The following TENM2 variants were observed in gnomAD, a reference collection of about 807,000 sequenced individuals.
TENM2 encodes the protein teneurin transmembrane protein 2, also known as teneurin-2.
TENM2 carries 52 observed loss-of-function variants against 245.2 expected under a neutral mutation model. The observed-to-expected ratio is 0.21, with a 90% CI of 0.17 to 0.27. TENM2 has a LOEUF of 0.27. Among genes scored for constraint, TENM2 ranks in the 10% least tolerant of loss-of-function variants. TENM2 has a pLI of 1.00. For missense variants in TENM2, 3,046 were observed against 3,666.8 expected (o/e 0.83, Z 4.37); for synonymous variants, 1,363 against 1,438.9 (o/e 0.95, Z 1.19).
At chr5:167,452,950 T>TATATATATATATTTTTTTTTTTTTTAA (rs1765690202) in intron 2 of TENM2, among the ~76,000 whole-genome samples, 2 of 99,630 alleles carry the variant, frequency 2.0e-5, no homozygotes, top group African/African-American at 6.8e-5. Context: ...TATATATATA[T>TATATATATATATTTTTTTTTTTTTTAA]ATATATATAT....
the TENM2 span, among the ~76,000 whole-genome samples, chr5:167,003,620 G>C: frequency 6.6e-6 from 1 of 152,142 alleles, no homozygotes; most frequent in Admixed American, 6.5e-5. Context: ...ATCAGTATTT[G>C]TTGCTTGTTG....
chr5:167,136,701 C>T, the TENM2 span, among the ~76,000 whole-genome samples: 1 of 152,114 alleles, frequency 6.6e-6, no homozygotes, highest in African/African-American at 2.4e-5. Flanking sequence ...TAAGTGCAGC[C>T]TTAGAGAGTT....
At chr5:167,460,341 C>A (rs1054165386) in intron 2 of TENM2, among the ~76,000 whole-genome samples, 4 of 151,972 alleles carry the variant, frequency 2.6e-5, no homozygotes. Context: ...ATTTTCATAC[C>A]CCACATAGAA....
intron 9 of TENM2, among the ~76,000 whole-genome samples, chr5:168,102,805 A>G (rs1168186404): frequency 6.6e-6 from 1 of 152,214 alleles, no homozygotes; most frequent in South Asian, 2.1e-4. Flanking sequence ...TTAAGTACTC[A>G]ATATGCATCA....
At chr5:167,823,415 C>A (rs1402355196) in intron 2 of TENM2, among the ~76,000 whole-genome samples, 1 of 152,180 alleles carries the variant, frequency 6.6e-6, no homozygotes, top group Admixed American at 6.5e-5. Context: ...CAGACACACA[C>A]AATGTACAAG....
At chr5:167,735,466 C>T (rs923850296) in intron 2 of TENM2, among the ~76,000 whole-genome samples, 3 of 152,182 alleles carry the variant, frequency 2.0e-5, no homozygotes, top group African/African-American at 7.2e-5. Flanking sequence ...ACTAGAAATA[C>T]TTAGCAGATT....
chr5:167,568,327 A>G (rs932906188), intron 2 of TENM2, among the ~76,000 whole-genome samples: 1 of 152,142 alleles, frequency 6.6e-6, no homozygotes, highest in African/African-American at 2.4e-5. Context: ...AGGGTACAAA[A>G]TGTGTTTGGA....
chr5:168,018,743 G>A (rs1417892623), intron 5 of TENM2, among the ~76,000 whole-genome samples: 1 of 152,006 alleles, frequency 6.6e-6, no homozygotes, highest in Non-Finnish European at 1.5e-5. Flanking sequence ...TTGATTCTGG[G>A]GTGCCTCCTA....
chr5:167,130,717 C>T, the TENM2 span, among the ~76,000 whole-genome samples: 1 of 152,078 alleles, frequency 6.6e-6, no homozygotes, highest in Non-Finnish European at 1.5e-5. Context: ...AAATTCCCTC[C>T]AATGTCTGTT....
exon 25 of TENM2, chr5:168,228,043 T>G: frequency 6.2e-7 from 1 of 1,613,890 alleles, no homozygotes; most frequent in Non-Finnish European, 8.5e-7. Context: ...TCTCCCTGCC[T>G]ATGGAGAATG....
chr5:167,866,375 A>G (rs955513555), intron 2 of TENM2, among the ~76,000 whole-genome samples: 5 of 152,052 alleles, frequency 3.3e-5, no homozygotes, highest in Non-Finnish European at 2.9e-5. Context: ...GTGCATGCCT[A>G]TAATCCTAGC....
chr5:167,677,664 C>T (rs2609857), intron 2 of TENM2, among the ~76,000 whole-genome samples: 23,514 of 150,202 alleles, frequency 0.16, 2,366 homozygotes, highest in East Asian at 0.39. Flanking sequence ...GTGGTTTTGG[C>T]GACCATTTAG....
At chr5:167,585,789 T>C (rs1279947901) in intron 2 of TENM2, among the ~76,000 whole-genome samples, 7 of 152,156 alleles carry the variant, frequency 4.6e-5, no homozygotes, top group Non-Finnish European at 1.0e-4. Context: ...TCTACCTTTA[T>C]GGATTCAACC....
At chr5:167,181,135 C>T in the TENM2 span, among the ~76,000 whole-genome samples, 152 of 151,842 alleles carry the variant, frequency 1.0e-3, 2 homozygotes, top group East Asian at 0.025. Context: ...TATATACTTG[C>T]GCAATGATTT....
chr5:168,166,229 C>T (rs763209468), intron 13 of TENM2, among the ~76,000 whole-genome samples: 33 of 151,928 alleles, frequency 2.2e-4, no homozygotes, highest in Non-Finnish European at 4.1e-4. Flanking sequence ...AATGCAGACC[C>T]GGGGAGCAGC....
rs981825041 is a variant in TENM2 at position 167,727,111 on chromosome 5, T to C, written c.503-148875T>C. Among the ~76,000 whole-genome samples, 323 of 135,298 alleles carry C rather than the reference T, an allele frequency of 2.4e-3. 2 individuals carry two copies. Among genetic ancestry groups the C allele is most frequent in the African/African-American group, 8.3e-3 (305 of 36,806 alleles). The allele number at this position is 135,298 out of a possible 152,430, so 88.8% of individuals were successfully genotyped here. A position where few individuals can be genotyped will look rare whatever the true frequency, so the allele number is the denominator to read the frequency against. On this transcript the variant is annotated intron_variant, in intron 2 of 28. Coordinates refer to ENST00000518659, the Ensembl canonical transcript of TENM2. The stretch of plus-strand genomic sequence containing the variant: ...TAATGAATCCATTAATTTCTTTTTT[T>C]TTTTTTTTTTTTTTTTGAGATGGAG...
intron 20 of TENM2, chr5:168,214,789 G>A (rs1169353518): frequency 1.7e-6 from 1 of 583,062 alleles, no homozygotes; most frequent in East Asian, 3.8e-5. Context: ...CTGGCTAAAT[G>A]AAGCAACAGT....
chr5:167,844,254 G>A (rs909254738), intron 2 of TENM2, among the ~76,000 whole-genome samples: 3 of 152,064 alleles, frequency 2.0e-5, no homozygotes, highest in African/African-American at 7.3e-5. Context: ...GGTCGGCTTC[G>A]ACCTTGATTG....
chr5:167,101,899 A>AAT, the TENM2 span, among the ~76,000 whole-genome samples: 20 of 113,396 alleles, frequency 1.8e-4, no homozygotes, highest in Admixed American at 4.3e-4. Flanking sequence ...ATGTATATAT[A>AAT]ATATATATAC....
Sources: allele counts gnomAD v4.1 joint callset (sites outside exome capture counted in the v4.1 genomes callset), GRCh38; gene constraint gnomAD v4.1.1; transcripts MANE v1.5; gene names NCBI Gene and HGNC (gene_info 2026-07-23, HGNC 2026-07-21).